The following AJM1 variants were observed in gnomAD, a reference collection of about 807,000 sequenced individuals.
AJM1 encodes the protein uncharacterized protein C9orf172.
In AJM1, 22 loss-of-function variants were observed where a neutral mutation model predicts 43.0. The observed-to-expected ratio is 0.51, with a 90% CI of 0.37 to 0.73. The LOEUF (loss-of-function observed/expected upper bound fraction) is 0.73. Among genes scored for constraint, AJM1 ranks in the 30% least tolerant of loss-of-function variants. AJM1 has a pLI of 0.00. For synonymous variants in AJM1, 719 were observed against 638.3 expected, an observed-to-expected ratio of 1.13 and a Z score of -1.91; for missense variants, 1,305 against 1,343.3, an observed-to-expected ratio of 0.97 and a Z score of 0.45.
Position 136,845,484 on chromosome 9 carries a change from G to C in AJM1, c.1070G>C (p.Gly357Ala). 2 of 1,606,676 alleles carry C rather than the reference G, an allele frequency of 1.2e-6. No individual in the cohort carries two copies. The highest frequency in any genetic ancestry group is 1.7e-6 in the Non-Finnish European group (2 of 1,177,478). ...EAPRAYGLPY[G>A]PRYVPEEPRA... ...CCACGAGCCTACGGCCTGCCCTACG[G>C]GCCCCGCTATGTCCCCGAGGAGCCC... Residue 357 changes from glycine to alanine, a missense_variant, in exon 3 of 3, where the codon GGG (glycine) becomes GCG (alanine). By Grantham distance (60) the Gly-to-Ala change is moderately conservative. This residue lies in a region of AJM1 where 653 missense variants were observed against 549.1 expected (regional missense o/e 1.19). Transcript: ENST00000436881.
rs558582172 is a variant in AJM1 at position 136,847,666 on chromosome 9, C to A, written c.*321C>A. The A allele has an allele frequency of 3.0e-6, 1 of 333,276 alleles. No homozygotes were observed. The highest frequency in any genetic ancestry group is 2.2e-5 in the African/African-American group (1 of 46,256). The allele number at this position is 333,276 out of a possible 1,614,324, so 20.6% of individuals were successfully genotyped here. On this transcript the variant is annotated 3_prime_UTR_variant, in exon 3 of 3. Transcript: ENST00000436881. ...GCCCTCGAGGATCCCCAGAAGAAGT[C>A]GGTCCTCGCCCTCGGTGCTCCCCGC...
Position 136,846,928 on chromosome 9 carries a change from CAGCCACGG to C in AJM1, c.2515_2522del (p.Ser839AlafsTer144). On this transcript the variant is annotated frameshift_variant, in exon 3 of 3. Coordinates refer to ENST00000436881, the MANE Select transcript of AJM1 (RefSeq NM_001080482.5). LOFTEE classifies it high-confidence loss of function. ...CGGCCCTGCCCGCGCCCGCGCCACG[CAGCCACGG>C]GCCAACAGTGCGCAAGTTCGCCAAG... is the stretch of plus-strand genomic sequence containing the variant. 1 of 1,430,322 alleles carries C rather than the reference CAGCCACGG, an allele frequency of 7.0e-7. No homozygotes were observed. The highest frequency in any genetic ancestry group is 2.8e-5 in the East Asian group (1 of 35,184). 88.6% of individuals were successfully genotyped at this position (1,430,322 alleles called of 1,614,324 possible).
In AJM1 at chr9:136,844,838, C is replaced by A; in HGVS notation, c.424C>A (p.Leu142Ile). 4.2e-6 allele frequency: 1 copy of A among 239,016 alleles called. No individual in the cohort carries two copies. The highest frequency in any genetic ancestry group is 2.4e-5 in the African/African-American group (1 of 42,524). 14.8% of individuals were successfully genotyped at this position (239,016 alleles called of 1,614,324 possible). The change falls in exon 3 of 3, where the codon CTT becomes ATT. Residue 142 changes from leucine (L) to isoleucine (I), a missense_variant. Coordinates refer to ENST00000436881, the MANE Select transcript of AJM1 (RefSeq NM_001080482.5). Reference protein sequence around the residue: ...REPAYPALRALANELHPIKLQ... With the variant: ...REPAYPALRAIANELHPIKLQ... The stretch of plus-strand genomic sequence containing the variant: ...GCCCGCGTACCCGGCGCTCCGCGCC[C>A]TTGCCAACGAGCTGCATCCCATCAA...
rs1339431939 is a variant in AJM1 at position 136,845,888 on chromosome 9, G to A, written c.1474G>A (p.Val492Ile). Residue 492 changes from valine to isoleucine, a missense_variant, in exon 3 of 3, where the codon GTC becomes ATC. Val to Ile is a conservative substitution (Grantham distance 29). Coordinates refer to ENST00000436881, the MANE Select transcript of AJM1 (RefSeq NM_001080482.5). ...GVSPEGRRPP[V>I]VVNLSTSPRR... ...GTCCCCCGAAGGCCGGCGCCCGCCC[G>A]TCGTCGTGAACCTGTCCACCTCTCC... 2 of 1,558,232 alleles carry A rather than the reference G, an allele frequency of 1.3e-6. No individual in the cohort carries two copies. The highest frequency in any genetic ancestry group is 1.7e-6 in the Non-Finnish European group (2 of 1,152,708).
At position 136,846,988 on chromosome 9, in the gene AJM1, G is replaced by A. The variant is rs1381341968; in HGVS notation, c.2574G>A (p.Ala858=). ...AKVALAAGSP[A]RPPPARSREP... is the part of the protein sequence containing the mutation. The stretch of plus-strand genomic sequence containing the variant: ...TAGCGCTGGCGGCCGGCAGCCCCGC[G>A]CGGCCGCCCCCGGCGCGGAGCCGCG... The change falls in exon 3 of 3, where the codon GCG becomes GCA. Residue 858 remains alanine, a synonymous_variant. Coordinates refer to ENST00000436881, the MANE Select transcript of AJM1 (RefSeq NM_001080482.5). The A allele has an allele frequency of 2.9e-5, 36 of 1,227,586 alleles. No homozygotes were observed. Among genetic ancestry groups the A allele is most frequent in the Non-Finnish European group, 3.7e-5 (35 of 936,016 alleles). The allele number at this position is 1,227,586 out of a possible 1,614,324, so 76.0% of individuals were successfully genotyped here. A position where few individuals can be genotyped will look rare whatever the true frequency, so the allele number is the denominator to read the frequency against.
Position 136,847,010 on chromosome 9 carries a change from C to T in AJM1, c.2596C>T (p.Arg866Cys). ...SPARPPPARS[R>C]EPDMETLILT... ...CGCGCGGCCGCCCCCGGCGCGGAGCCGCGAGCCCGACATGGAGACGCTGAT... is the reference window on the plus strand; with the variant it reads ...CGCGCGGCCGCCCCCGGCGCGGAGCTGCGAGCCCGACATGGAGACGCTGAT... The change falls in exon 3 of 3, where the codon CGC (arginine) becomes TGC (cysteine). Residue 866 changes from arginine (R) to cysteine (C), a missense_variant. Physicochemically the swap from Arg to Cys is radical, Grantham distance 180. This residue lies in a region of AJM1 where 391 missense variants were observed against 507.5 expected (regional missense o/e 0.77). Coordinates refer to ENST00000436881, the MANE Select transcript of AJM1 (RefSeq NM_001080482.5). 3 of 1,250,226 alleles carry T rather than the reference C, an allele frequency of 2.4e-6. No homozygotes were observed. Among genetic ancestry groups the T allele is most frequent in the Non-Finnish European group, 3.2e-6 (3 of 946,016 alleles). 77.4% of individuals were successfully genotyped at this position (1,250,226 alleles called of 1,614,324 possible).
rs1207579816 is a variant in AJM1 at position 136,847,538 on chromosome 9, C to T, written c.*193C>T. 1.8e-5 allele frequency: 9 copies of T among 502,012 alleles called. No individual in the cohort carries two copies. The highest frequency in any genetic ancestry group is 2.7e-5 in the Non-Finnish European group (8 of 291,592). 31.1% of individuals were successfully genotyped at this position (502,012 alleles called of 1,614,324 possible). ...CGGCCTCCAGCTCCGCCCAGGCCCCCACCCCCCGGCCCTTCGTCCCCGTAG... is the reference window on the plus strand; with the variant it reads ...CGGCCTCCAGCTCCGCCCAGGCCCCTACCCCCCGGCCCTTCGTCCCCGTAG... On this transcript the variant is annotated 3_prime_UTR_variant, in exon 3 of 3. Transcript: ENST00000436881.
rs1848738300 is a variant in AJM1, at chr9:136,844,407, C to T, written c.-8C>T. On this transcript the variant is annotated 5_prime_UTR_variant, in exon 3 of 3. Transcript: ENST00000436881. ...GCTGGAGCCGCCAGCCTGGGGACCT[C>T]TTTTAAGATGACCCGTACGGACCCT... 1.2e-6 allele frequency: 2 copies of T among 1,609,432 alleles called. No individual in the cohort carries two copies. The highest frequency in any genetic ancestry group is 1.3e-5 in the African/African-American group (1 of 74,810).
Position 136,846,909 on chromosome 9 carries a change from T to C in AJM1, c.2495T>C (p.Leu832Pro), listed in dbSNP as rs1354400793. The C allele has an allele frequency of 1.1e-5, 16 of 1,471,100 alleles. No homozygotes were observed. Among genetic ancestry groups the C allele is most frequent in the Middle Eastern group, 2.1e-4 (1 of 4,764 alleles). The allele number at this position is 1,471,100 out of a possible 1,614,324, so 91.1% of individuals were successfully genotyped here. ...ACCGCGCCACCGGGGACACCGGCCC[T>C]GCCCGCGCCCGCGCCACGCAGCCAC... The part of the protein sequence containing the change: ...PGTAPPGTPA[L>P]PAPAPRSHGP... The change falls in exon 3 of 3, where the codon CTG becomes CCG. Residue 832 changes from leucine (L) to proline (P), a missense_variant. By Grantham distance (98) the Leu-to-Pro change is moderately conservative (BLOSUM62 -3). Around this residue, in one of 6 missense-constraint regions of AJM1, gnomAD observed 391 missense variants for 507.5 expected, o/e 0.77. Transcript: ENST00000436881.
chr9:136,846,905 G>A lies in AJM1; in HGVS notation c.2491G>A (p.Ala831Thr). The change falls in exon 3 of 3, where the codon GCC becomes ACC. Residue 831 changes from alanine to threonine, a missense_variant. By Grantham distance (58) the Ala-to-Thr change is moderately conservative (BLOSUM62 0). This residue lies in a region of AJM1 where 391 missense variants were observed against 507.5 expected (regional missense o/e 0.77). Coordinates refer to ENST00000436881, the MANE Select transcript of AJM1 (RefSeq NM_001080482.5). ...GPGTAPPGTP[A>T]LPAPAPRSHG... The stretch of plus-strand genomic sequence containing the variant: ...CGGCACCGCGCCACCGGGGACACCG[G>A]CCCTGCCCGCGCCCGCGCCACGCAG... 1.4e-6 allele frequency: 2 copies of A among 1,480,152 alleles called. No homozygotes were observed. The highest frequency in any genetic ancestry group is 1.8e-6 in the Non-Finnish European group (2 of 1,121,394). The allele number at this position is 1,480,152 out of a possible 1,614,324, so 91.7% of individuals were successfully genotyped here.
Position 136,845,891 on chromosome 9 carries a change from G to C in AJM1, c.1477G>C (p.Val493Leu). The change falls in exon 3 of 3, where the codon GTC becomes CTC. Residue 493 changes from valine to leucine, a missense_variant. Around this residue, in one of 6 missense-constraint regions of AJM1, gnomAD observed 653 missense variants for 549.1 expected, o/e 1.19. Coordinates refer to ENST00000436881, the MANE Select transcript of AJM1 (RefSeq NM_001080482.5). Reference protein sequence around the residue: ...VSPEGRRPPVVVNLSTSPRRY... With the variant: ...VSPEGRRPPVLVNLSTSPRRY... ...CCCCGAAGGCCGGCGCCCGCCCGTCGTCGTGAACCTGTCCACCTCTCCCAG... is the reference window on the plus strand; with the variant it reads ...CCCCGAAGGCCGGCGCCCGCCCGTCCTCGTGAACCTGTCCACCTCTCCCAG... 2 of 1,558,432 alleles carry C rather than the reference G, an allele frequency of 1.3e-6. No individual in the cohort carries two copies. The highest frequency in any genetic ancestry group is 4.9e-5 in the East Asian group (2 of 41,222).
chr9:136,846,935 G>C lies in AJM1; in HGVS notation c.2521G>C (p.Gly841Arg). The change falls in exon 3 of 3, where the codon GGG (glycine) becomes CGG (arginine). Residue 841 changes from glycine to arginine, a missense_variant. Gly to Arg is a moderately radical substitution (Grantham distance 125). Transcript: ENST00000436881. ...ALPAPAPRSH[G>R]PTVRKFAKVA... Reference sequence around the variant, plus strand: ...GCCCGCGCCCGCGCCACGCAGCCACGGGCCAACAGTGCGCAAGTTCGCCAA... The same window carrying C: ...GCCCGCGCCCGCGCCACGCAGCCACCGGCCAACAGTGCGCAAGTTCGCCAA... 7 of 1,400,252 alleles carry C rather than the reference G, an allele frequency of 5.0e-6. No individual in the cohort carries two copies. The highest frequency in any genetic ancestry group is 6.5e-6 in the Non-Finnish European group (7 of 1,070,980). 86.7% of individuals were successfully genotyped at this position (1,400,252 alleles called of 1,614,324 possible). A position where few individuals can be genotyped will look rare whatever the true frequency, so the allele number is the denominator to read the frequency against.
rs1848794918 is a variant in AJM1 at position 136,847,430 on chromosome 9, GC to G, written c.*90del. 3.6e-6 allele frequency: 4 copies of G among 1,110,426 alleles called. No homozygotes were observed. The highest frequency in any genetic ancestry group is 3.2e-5 in the East Asian group (1 of 31,356). 68.8% of individuals were successfully genotyped at this position (1,110,426 alleles called of 1,614,324 possible). On this transcript the variant is annotated 3_prime_UTR_variant, in exon 3 of 3. Transcript: ENST00000436881. ...GGCCCCGCCCGGCCCACCCAGGGCC[GC>G]CCCCGAGCCCCGCCAGGGCCCCACC...
Position 136,847,316 on chromosome 9 carries a change from A to C in AJM1, c.2902A>C (p.Ser968Arg). 6.5e-7 allele frequency: 1 copy of C among 1,534,216 alleles called. No individual in the cohort carries two copies. Among genetic ancestry groups the C allele is most frequent in the Non-Finnish European group, 8.7e-7 (1 of 1,144,916 alleles). ...GCCGCGCGCGCTCGACTGGGTGGCC[A>C]GCGCCAACCTGCTGGACGACATCAT... ...SEPRALDWVA[S>R]ANLLDDIM The change falls in exon 3 of 3, where the codon AGC becomes CGC. Residue 968 changes from serine (S) to arginine (R), a missense_variant. Transcript: ENST00000436881.
In AJM1 at chr9:136,847,574, A is replaced by G. The variant is rs1223600811; in HGVS notation, c.*229A>G. ...CCTTCGTCCCCGTAGTGTTCCTCAC[A>G]GGCCCTTCGCCTTCCCACCCCCAGC... On this transcript the variant is annotated 3_prime_UTR_variant, in exon 3 of 3. Coordinates refer to ENST00000436881, the MANE Select transcript of AJM1 (RefSeq NM_001080482.5). The G allele has an allele frequency of 2.7e-5, 11 of 412,782 alleles. No individual in the cohort carries two copies. Among genetic ancestry groups the G allele is most frequent in the Admixed American group, 9.7e-5 (2 of 20,540 alleles). 25.6% of individuals were successfully genotyped at this position (412,782 alleles called of 1,614,324 possible).
chr9:136,842,669 G>A (rs1278178481), intron 1 of AJM1, among the ~76,000 whole-genome samples, 80 bp downstream of exon 1: 8 of 152,186 alleles, frequency 5.3e-5, no homozygotes, highest in Non-Finnish European at 1.2e-4. Flanking sequence ...CGAAAGGATG[G>A]GGAGTCCCCG....
rs1347680349 is a variant in AJM1, at chr9:136,842,564, C to T, written c.-169C>T. On this transcript the variant is annotated 5_prime_UTR_variant, in exon 1 of 3. Transcript: ENST00000436881. The stretch of plus-strand genomic sequence containing the variant: ...CCGACCTGGGGGTGGCACAGCCCAC[C>T]GGGGCACAGCCAGAGCAGCACCCAG... 3.3e-5 allele frequency among the ~76,000 whole-genome samples: 5 copies of T among 152,340 alleles called. No homozygotes were observed. Among genetic ancestry groups the T allele is most frequent in the African/African-American group, 9.6e-5 (4 of 41,574 alleles).
Position 136,846,591 on chromosome 9 carries a change from GC to G in AJM1, c.2179del (p.Arg727AlafsTer124). The G allele has an allele frequency of 1.3e-6, 2 of 1,591,336 alleles. No individual in the cohort carries two copies. The highest frequency in any genetic ancestry group is 1.1e-5 in the South Asian group (1 of 90,722). ...GTGTGCCGCCACGTACTGCAGTTTT[GC>G]CGCGACAGCGGCCCGGTGCACCGCG... ...GSVCRHVLQF[C>X]RDSGPVHRAF... On this transcript the variant is annotated frameshift_variant, in exon 3 of 3. Transcript: ENST00000436881. LOFTEE classifies it high-confidence loss of function.
At position 136,845,439 on chromosome 9, in the gene AJM1, G is replaced by A. The variant is rs747373398; in HGVS notation, c.1025G>A (p.Arg342His). 4.5e-5 allele frequency: 73 copies of A among 1,611,496 alleles called. No homozygotes were observed. The highest frequency in any genetic ancestry group is 5.7e-5 in the Non-Finnish European group (67 of 1,179,534). Residue 342 changes from arginine to histidine, a missense_variant, in exon 3 of 3, where the codon CGC becomes CAC. This residue lies in a region of AJM1 where 653 missense variants were observed against 549.1 expected (regional missense o/e 1.19). Coordinates refer to ENST00000436881, the MANE Select transcript of AJM1 (RefSeq NM_001080482.5). The part of the protein sequence containing the change: ...RTFPIQEPPS[R>H]SYYGEAPRAY... The stretch of plus-strand genomic sequence containing the variant: ...TTCCCAATCCAGGAACCGCCCTCCC[G>A]CTCCTACTATGGGGAGGCTCCACGA...
Sources: gnomAD v4.1 joint callset for allele counts (sites outside exome capture counted in the v4.1 genomes callset) on GRCh38, gnomAD v4.1.1 for gene constraint, gnomAD v4.1.1 regional missense constraint, MANE v1.5 for transcripts, NCBI Gene and HGNC (gene_info 2026-07-23, HGNC 2026-07-21) for gene names.